The following SYT9 variants were observed in gnomAD, a reference collection of about 807,000 sequenced individuals.
The protein encoded by SYT9 is synaptotagmin-9.
A neutral mutation model predicts 48.4 loss-of-function variants in SYT9; 22 were observed. That is an observed-to-expected ratio of 0.45 (90% confidence interval 0.32 to 0.65). The LOEUF (loss-of-function observed/expected upper bound fraction) is 0.65. Among genes scored for constraint, SYT9 ranks in the 30% least tolerant of loss-of-function variants. The probability of loss-of-function intolerance (pLI) is 0.03; values close to 1 mark genes in which losing one functional copy is unlikely to be tolerated. For missense variants in SYT9, 577 were observed against 622.0 expected (o/e 0.93, Z 0.77); for synonymous variants, 265 against 245.0 (o/e 1.08, Z -0.76).
At chr11:7,298,627 A>G (rs146496934) in intron 1 of SYT9, among the ~76,000 whole-genome samples, 2 of 150,706 alleles carry the variant, frequency 1.3e-5, no homozygotes, top group African/African-American at 4.9e-5. Flanking sequence ...CTTGTTGGCC[A>G]GTAATCACCG....
At chr11:7,356,716 C>T (rs1004484544) in intron 3 of SYT9, among the ~76,000 whole-genome samples, 2 of 152,194 alleles carry the variant, frequency 1.3e-5, no homozygotes, top group Non-Finnish European at 2.9e-5. Context: ...TTTTGATCAT[C>T]AGTAATAGAA....
At chr11:7,406,511 A>ATG (rs1391097444) in intron 3 of SYT9, among the ~76,000 whole-genome samples, 1 of 145,522 alleles carries the variant, frequency 6.9e-6, no homozygotes, top group Non-Finnish European at 1.5e-5. Context: ...ATTCTTTTTT[A>ATG]TGGCTGAATA....
At chr11:7,344,451 C>T (rs1849765699) in intron 3 of SYT9, among the ~76,000 whole-genome samples, 1 of 152,112 alleles carries the variant, frequency 6.6e-6, no homozygotes, top group African/African-American at 2.4e-5. Flanking sequence ...TTTTCAGTGG[C>T]GTGTCAAAGA....
At chr11:7,264,689 C>T (rs528022250) in intron 1 of SYT9, among the ~76,000 whole-genome samples, 6 of 151,970 alleles carry the variant, frequency 3.9e-5, no homozygotes, top group South Asian at 2.1e-4. Flanking sequence ...GACATGACCA[C>T]GTCCAGGACA....
intron 3 of SYT9, among the ~76,000 whole-genome samples, chr11:7,340,113 A>G (rs1346939301): frequency 3.9e-5 from 6 of 152,088 alleles, no homozygotes; most frequent in Non-Finnish European, 8.8e-5. Context: ...AGCCAGTCTA[A>G]AAGTTCTGAG....
chr11:7,412,301 T>A (rs1847151422), intron 3 of SYT9, among the ~76,000 whole-genome samples: 1 of 152,234 alleles, frequency 6.6e-6, no homozygotes, highest in Non-Finnish European at 1.5e-5. Flanking sequence ...GATGTAACAA[T>A]CACTTATTCC....
chr11:7,381,860 A>G (rs1004199337), intron 3 of SYT9, among the ~76,000 whole-genome samples: 1 of 152,196 alleles, frequency 6.6e-6, no homozygotes, highest in Non-Finnish European at 1.5e-5. Context: ...TCTAGGATAC[A>G]AGCAGCTTCC....
chr11:7,260,232 A>C (rs1848052804), intron 1 of SYT9, among the ~76,000 whole-genome samples: 2 of 152,232 alleles, frequency 1.3e-5, no homozygotes, highest in Non-Finnish European at 2.9e-5. Context: ...AAAATCAAGA[A>C]GGGAGATATC....
chr11:7,261,566 TTAGA>T (rs1262138803), intron 1 of SYT9, among the ~76,000 whole-genome samples: 1 of 151,862 alleles, frequency 6.6e-6, no homozygotes, highest in Non-Finnish European at 1.5e-5. Flanking sequence ...ATATTGTATG[TTAGA>T]TAGTAGTAAG....
At chr11:7,368,085 C>T (rs1390679400) in intron 3 of SYT9, among the ~76,000 whole-genome samples, 1 of 152,216 alleles carries the variant, frequency 6.6e-6, no homozygotes, top group East Asian at 1.9e-4. Context: ...CCAGAGGCCA[C>T]ACTCTAAATT....
intron 3 of SYT9, among the ~76,000 whole-genome samples, chr11:7,385,493 C>A (rs1262330025): frequency 6.6e-6 from 1 of 151,848 alleles, no homozygotes; most frequent in African/African-American, 2.4e-5. Flanking sequence ...GCATGCCTGG[C>A]AGTGGTGTAG....
chr11:7,260,293 G>A (rs962180813), intron 1 of SYT9, among the ~76,000 whole-genome samples: 2 of 152,332 alleles, frequency 1.3e-5, no homozygotes, highest in Middle Eastern at 3.4e-3. Flanking sequence ...GCTGACTTGA[G>A]TGGATCTGCA....
chr11:7,402,074 CCT>C (rs1846905124), intron 3 of SYT9, among the ~76,000 whole-genome samples: 1 of 151,414 alleles, frequency 6.6e-6, no homozygotes, highest in Admixed American at 6.6e-5. Flanking sequence ...TTTTAATATC[CCT>C]GTTATTTTTC....
chr11:7,425,427 G>A (rs1452930091), intron 6 of SYT9, among the ~76,000 whole-genome samples: 1 of 152,168 alleles, frequency 6.6e-6, no homozygotes, highest in Admixed American at 6.5e-5. Context: ...AGTGGGGAGA[G>A]CATGGGGTGA....
At chr11:7,463,119 C>T (rs1234788223) in intron 6 of SYT9, among the ~76,000 whole-genome samples, 1 of 152,186 alleles carries the variant, frequency 6.6e-6, no homozygotes, top group East Asian at 1.9e-4. Flanking sequence ...TTGGTACCTT[C>T]TAAACCCCTG....
chr11:7,240,035 G>A (rs576971107), intron 1 of SYT9, among the ~76,000 whole-genome samples: 73 of 152,262 alleles, frequency 4.8e-4, no homozygotes, highest in African/African-American at 1.7e-3. Flanking sequence ...TACGGACAAG[G>A]GTAGCAAGGG....
intron 1 of SYT9, among the ~76,000 whole-genome samples, chr11:7,242,438 G>A (rs1847749344): frequency 6.6e-6 from 1 of 152,180 alleles, no homozygotes; most frequent in African/African-American, 2.4e-5. Context: ...CATTTCTTCA[G>A]TAGAAAAGTG....
intron 3 of SYT9, among the ~76,000 whole-genome samples, chr11:7,383,933 G>C (rs556206543): frequency 6.6e-6 from 1 of 152,122 alleles, no homozygotes; most frequent in African/African-American, 2.4e-5. Context: ...AATACTTTCA[G>C]CTACTTTGTT....
chr11:7,292,537 A>G (rs569622917), intron 1 of SYT9, among the ~76,000 whole-genome samples: 6 of 152,184 alleles, frequency 3.9e-5, no homozygotes, highest in African/African-American at 1.2e-4. Context: ...TTCCCCTCCA[A>G]CTCCACACAG....
Sources: allele counts gnomAD v4.1 joint callset (sites outside exome capture counted in the v4.1 genomes callset), GRCh38; gene constraint gnomAD v4.1.1; transcripts MANE v1.5; gene names NCBI Gene and HGNC (gene_info 2026-07-23, HGNC 2026-07-21).